QPCT: variants seen among roughly 807,000 people sequenced by gnomAD.
QPCT encodes the protein EC.
Under a neutral mutation model 43.4 loss-of-function variants are expected in QPCT, and 44 were observed. The ratio of observed to expected loss-of-function variants is 1.01; its 90% CI spans 0.80 to 1.30. QPCT has a LOEUF of 1.30. QPCT is among the 50% of genes most tolerant of loss of function. The pLI is 0.00. For synonymous variants in QPCT, 168 were observed against 168.4 expected, an observed-to-expected ratio of 1.00 and a Z score of 0.02; for missense variants, 526 against 436.5, an observed-to-expected ratio of 1.21 and a Z score of -1.83.
At chr2:37,346,722 T>G (rs1185514018) in intron 1 of QPCT, among the ~76,000 whole-genome samples, 1 of 152,188 alleles carries the variant, frequency 6.6e-6, no homozygotes, top group African/African-American at 2.4e-5. Flanking sequence ...GCCATCACAT[T>G]TCCCAGTTTC....
chr2:37,356,245 G>A (rs1391778604), intron 2 of QPCT, among the ~76,000 whole-genome samples: 3 of 152,004 alleles, frequency 2.0e-5, no homozygotes, highest in South Asian at 2.1e-4. Context: ...CCTCTCTCTC[G>A]TGCTCATGTC....
intron 1 of QPCT, among the ~76,000 whole-genome samples, chr2:37,350,817 C>T (rs1253487444): frequency 2.0e-5 from 3 of 152,200 alleles, no homozygotes; most frequent in Non-Finnish European, 4.4e-5. Flanking sequence ...GTAACTAACA[C>T]ATTGAATATT....
intron 5 of QPCT, among the ~76,000 whole-genome samples, chr2:37,371,666 T>C (rs1322715284): frequency 6.6e-6 from 1 of 152,214 alleles, no homozygotes; most frequent in African/African-American, 2.4e-5. Flanking sequence ...TCTTGTCATC[T>C]TGTAACATAC....
chr2:37,354,530 C>T (rs1672699698), intron 2 of QPCT, among the ~76,000 whole-genome samples: 1 of 152,160 alleles, frequency 6.6e-6, no homozygotes, highest in South Asian at 2.1e-4. Flanking sequence ...CAAGGTTATA[C>T]TTGTACCATT....
chr2:37,372,558 C>G (rs1480666034), intron 6 of QPCT, 86 bp downstream of exon 6: 15 of 1,464,600 alleles, frequency 1.0e-5, no homozygotes, highest in Admixed American at 1.7e-5. Context: ...AGAAAGTACA[C>G]AGATGATGAT....
chr2:37,362,773 G>A (rs1002303621), intron 3 of QPCT, among the ~76,000 whole-genome samples: 1 of 152,150 alleles, frequency 6.6e-6, no homozygotes, highest in South Asian at 2.1e-4. Context: ...TCCTAAAAAG[G>A]CTCAGGAATT....
intron 1 of QPCT, 147 bp from the exon 2 acceptor site, chr2:37,352,642 A>T: frequency 9.7e-7 from 1 of 1,034,776 alleles, no homozygotes; most frequent in Non-Finnish European, 1.4e-6. Flanking sequence ...CTAACAGCCC[A>T]ATTTTAAAGT....
At position 37,347,233 on chromosome 2, in the gene QPCT, T is replaced by TATATATATAAC. The variant is rs1232305152; in HGVS notation, c.120+2391_120+2392insACATATATATA. 2.6e-4 allele frequency among the ~76,000 whole-genome samples: 22 copies of TATATATATAAC among 85,050 alleles called. 1 individual carries two copies. The South Asian group carries it at 7.2e-3, about 28-fold the overall frequency. 55.8% of individuals were successfully genotyped at this position (85,050 alleles called of 152,430 possible). On this transcript the variant is annotated intron_variant, in intron 1 of 6. Coordinates refer to ENST00000338415, the MANE Select transcript of QPCT (RefSeq NM_012413.4). ...ATATATATAACATATATATATAACA[T>TATATATATAAC]ATATATATATATAACATATATATAT... is the stretch of plus-strand genomic sequence containing the variant.
chr2:37,359,899 T>TTAAC, intron 3 of QPCT, 41 bp downstream of exon 3: 1 of 1,580,620 alleles, frequency 6.3e-7, no homozygotes, highest in Non-Finnish European at 8.7e-7. Context: ...ATAAAGTACA[T>TTAAC]TAACAGTAAC....
At chr2:37,344,899 T>C (rs1672447931) in intron 1 of QPCT, 48 bp downstream of exon 1, 2 of 1,503,144 alleles carry the variant, frequency 1.3e-6, no homozygotes, top group Non-Finnish European at 1.8e-6. Context: ...TCTGGTCCGA[T>C]GCGAGGACCC....
intron 3 of QPCT, among the ~76,000 whole-genome samples, chr2:37,362,753 C>G (rs1474846737): frequency 6.6e-6 from 1 of 152,068 alleles, no homozygotes; most frequent in African/African-American, 2.4e-5. Context: ...CAGTGGTTTC[C>G]TTGATAGAAT....
At chr2:37,353,054 C>T in intron 2 of QPCT, 119 bp downstream of exon 2, 1 of 1,214,804 alleles carries the variant, frequency 8.2e-7, no homozygotes, top group Non-Finnish European at 1.1e-6. Context: ...TCCTCATTCA[C>T]CAAATAGTCA....
Position 37,347,153 on chromosome 2 carries a change from T to TATATATATA in QPCT, c.120+2303_120+2311dup, listed in dbSNP as rs1553384203. ...CTGGGTATGGGGTGTTTTATATATA[T>TATATATATA]ATATATATATAACATATATATATAT... On this transcript the variant is annotated intron_variant, in intron 1 of 6. Coordinates refer to ENST00000338415, the MANE Select transcript of QPCT (RefSeq NM_012413.4). 3.5e-5 allele frequency among the ~76,000 whole-genome samples: 2 copies of TATATATATA among 57,108 alleles called. 1 individual carries two copies. Among genetic ancestry groups the TATATATATA allele is most frequent in the African/African-American group, 1.8e-4 (2 of 10,970 alleles). 37.5% of individuals were successfully genotyped at this position (57,108 alleles called of 152,430 possible).
chr2:37,357,214 A>G (rs942049831), intron 2 of QPCT, among the ~76,000 whole-genome samples: 2 of 151,848 alleles, frequency 1.3e-5, no homozygotes, highest in African/African-American at 4.8e-5. Flanking sequence ...GCAATCTGCA[A>G]TTGGTGTTGA....
intron 3 of QPCT, among the ~76,000 whole-genome samples, chr2:37,361,545 C>G (rs1217425225): frequency 6.6e-6 from 1 of 152,200 alleles, no homozygotes; most frequent in African/African-American, 2.4e-5. Context: ...TGGGCTTGCT[C>G]TTCCGTGTCT....
chr2:37,351,734 T>C (rs1341871977), intron 1 of QPCT, among the ~76,000 whole-genome samples: 1 of 151,948 alleles, frequency 6.6e-6, no homozygotes, highest in East Asian at 1.9e-4. Context: ...ATACAAAAAT[T>C]AGCTGGGCAT....
intron 3 of QPCT, among the ~76,000 whole-genome samples, chr2:37,360,936 A>G (rs1391845691): frequency 6.6e-6 from 1 of 152,230 alleles, no homozygotes; most frequent in African/African-American, 2.4e-5. Flanking sequence ...ATGAAGTATG[A>G]CTTGAAGACA....
At position 37,359,465 on chromosome 2, in the gene QPCT, T is replaced by C. The variant is rs1380782290; in HGVS notation, c.268-115T>C. 28 of 899,396 alleles carry C rather than the reference T, an allele frequency of 3.1e-5. No individual in the cohort carries two copies. The South Asian group carries it at 4.7e-4, about 15-fold the overall frequency. The allele number at this position is 899,396 out of a possible 1,614,324, so 55.7% of individuals were successfully genotyped here. The stretch of plus-strand genomic sequence containing the variant: ...TGCAATAATATTGCTATGAATTCAT[T>C]AAGTGTGTATTCCAATTTTAATTTG... On this transcript the variant is annotated intron_variant, in intron 2 of 6. Transcript: ENST00000338415.
At chr2:37,352,655 A>G in intron 1 of QPCT, 134 bp from the exon 2 acceptor site, 1 of 1,123,038 alleles carries the variant, frequency 8.9e-7, no homozygotes, top group South Asian at 1.5e-5. Context: ...TTTAAAGTTG[A>G]GTAGTTTAAT....
Sources: gnomAD v4.1 joint callset for allele counts (sites outside exome capture counted in the v4.1 genomes callset) on GRCh38, gnomAD v4.1.1 for gene constraint, MANE v1.5 for transcripts, NCBI Gene and HGNC (gene_info 2026-07-23, HGNC 2026-07-21) for gene names.